The following EXOC3 variants were observed in gnomAD, a reference collection of about 807,000 sequenced individuals.
The protein encoded by EXOC3 is SEC6-like 1.
A neutral mutation model predicts 73.7 loss-of-function variants in EXOC3; 21 were observed. The ratio of observed to expected loss-of-function variants is 0.29; its 90% CI spans 0.20 to 0.41. The LOEUF (loss-of-function observed/expected upper bound fraction) is 0.41, where lower values mean the gene tolerates loss of function less well. Ranked by LOEUF, EXOC3 falls within the 10% of genes least tolerant of loss-of-function variation. The pLI, the probability that EXOC3 is intolerant of heterozygous loss-of-function variation, is 1.00. For missense variants in EXOC3, 842 were observed against 985.1 expected (o/e 0.85, Z 1.95); for synonymous variants, 410 against 389.1 (o/e 1.05, Z -0.63).
chr5:444,669 G>A (rs1737450636), intron 1 of EXOC3, among the ~76,000 whole-genome samples: 1 of 90,708 alleles, frequency 1.1e-5, no homozygotes, highest in Non-Finnish European at 3.5e-5. Flanking sequence ...AACAAGCCCT[G>A]TTGGAGGGAG....
Position 446,221 on chromosome 5 carries a change from C to A in EXOC3, c.16C>A (p.Arg6=), listed in dbSNP as rs376575084. 1.2e-6 allele frequency: 2 copies of A among 1,613,928 alleles called. No individual in the cohort carries two copies. The highest frequency in any genetic ancestry group is 1.7e-6 in the Non-Finnish European group (2 of 1,179,872). Residue 6 remains arginine, a synonymous_variant, in exon 2 of 13, where the codon CGG becomes AGG. Coordinates refer to ENST00000512944, the MANE Select transcript of EXOC3 (RefSeq NM_007277.5). ...CTTTTTCACCATGAAGGAGACAGAC[C>A]GGGAGGCCGTTGCGACAGCAGTGCA... MKETD[R]EAVATAVQRV...
intron 3 of EXOC3, among the ~76,000 whole-genome samples, chr5:452,482 A>C (rs1022517705): frequency 6.6e-6 from 1 of 152,172 alleles, no homozygotes; most frequent in African/African-American, 2.4e-5. Context: ...TCGTTGTTTT[A>C]AAGTCTTTCT....
Position 464,283 on chromosome 5 carries a change from T to G in EXOC3, c.1654-7T>G. On this transcript the variant is annotated splice_polypyrimidine_tract_variant and splice_region_variant and intron_variant, in intron 9 of 12. Transcript: ENST00000512944. The stretch of plus-strand genomic sequence containing the variant: ...GATGATTTCTATGATCTGTTTCTGC[T>G]TTTCAGCAACATCTGAATGAATTGA... 1 of 1,612,704 alleles carries G rather than the reference T, an allele frequency of 6.2e-7. No individual in the cohort carries two copies. The highest frequency in any genetic ancestry group is 8.5e-7 in the Non-Finnish European group (1 of 1,178,990).
intron 9 of EXOC3, among the ~76,000 whole-genome samples, chr5:463,030 G>C (rs145035098): frequency 6.6e-6 from 1 of 152,152 alleles, no homozygotes; most frequent in South Asian, 2.1e-4. Flanking sequence ...GCTTGAACCC[G>C]GGAGGTGGAG....
intron 3 of EXOC3, among the ~76,000 whole-genome samples, chr5:448,421 C>T (rs1737566109): frequency 6.6e-6 from 1 of 152,220 alleles, no homozygotes; most frequent in South Asian, 2.1e-4. Context: ...CATCCCTCCC[C>T]TTGGTCCCCG....
chr5:463,528 A>G (rs751696567), intron 9 of EXOC3, among the ~76,000 whole-genome samples: 5 of 152,186 alleles, frequency 3.3e-5, no homozygotes, highest in Non-Finnish European at 4.4e-5. Context: ...GGTGTGGGAA[A>G]AAGGGGCTGT....
In EXOC3 at chr5:453,768, A is replaced by T. The variant is rs771633322; in HGVS notation, c.763A>T (p.Thr255Ser). The change falls in exon 4 of 13, where the codon ACT becomes TCT. Residue 255 changes from threonine to serine, a missense_variant. By Grantham distance (58) the Thr-to-Ser change is moderately conservative (BLOSUM62 1). Transcript: ENST00000512944. ...KEKMFTILERTVTTRIEGTQA... is the reference protein window; with the variant it reads ...KEKMFTILERSVTTRIEGTQA... ...GAAAATGTTCACCATCTTGGAGAGGACTGTGACCACCAGAATTGAGGGCAC... is the reference window on the plus strand; with the variant it reads ...GAAAATGTTCACCATCTTGGAGAGGTCTGTGACCACCAGAATTGAGGGCAC... The T allele has an allele frequency of 6.2e-7, 1 of 1,613,870 alleles. No individual in the cohort carries two copies. The highest frequency in any genetic ancestry group is 1.1e-5 in the South Asian group (1 of 91,084).
chr5:451,900 T>C (rs1737669127), intron 3 of EXOC3, among the ~76,000 whole-genome samples: 1 of 152,234 alleles, frequency 6.6e-6, no homozygotes, highest in Non-Finnish European at 1.5e-5. Flanking sequence ...CCTCCAAAGT[T>C]TCTGGTGAGA....
At chr5:448,875 G>C (rs573085226) in intron 3 of EXOC3, among the ~76,000 whole-genome samples, 1 of 152,182 alleles carries the variant, frequency 6.6e-6, no homozygotes, top group Non-Finnish European at 1.5e-5. Context: ...GTGTCTCTTT[G>C]TGCATGCCCA....
rs151168194 is a variant in EXOC3 at position 446,579 on chromosome 5, G to A, written c.144+230G>A. ...ACAAGCTTTTAAACACCCTGAGGCCGGGTGCGGTGACTCATGCCTGTAATC... is the reference window on the plus strand; with the variant it reads ...ACAAGCTTTTAAACACCCTGAGGCCAGGTGCGGTGACTCATGCCTGTAATC... On this transcript the variant is annotated intron_variant, in intron 2 of 12. Transcript: ENST00000512944. 0.031 allele frequency among the ~76,000 whole-genome samples: 4,770 copies of A among 152,298 alleles called. 120 individuals are homozygous for A. Among genetic ancestry groups the A allele is most frequent in the Admixed American group, 0.065 (988 of 15,296 alleles).
chr5:452,759 C>T (rs1027267788), intron 3 of EXOC3, among the ~76,000 whole-genome samples: 1 of 152,248 alleles, frequency 6.6e-6, no homozygotes, highest in South Asian at 2.1e-4. Context: ...TGAGCCTATG[C>T]CTTTGCCTGG....
At position 464,433 on chromosome 5, in the gene EXOC3, T is replaced by G. The variant is rs991808514; in HGVS notation, c.1776+21T>G. ...AGAAGGTAAGAAGGTGGGACCTAGT[T>G]CCCTCATCACCTTGACGCTAGGGCT... On this transcript the variant is annotated intron_variant, in intron 10 of 12. Transcript: ENST00000512944. The G allele has an allele frequency of 2.5e-6, 4 of 1,611,458 alleles. No individual in the cohort carries two copies. In the East Asian group the frequency reaches 8.9e-5, roughly 36 times the overall value.
At chr5:466,346 G>A (rs949402793) in intron 12 of EXOC3, 32 of 250,300 alleles carry the variant, frequency 1.3e-4, no homozygotes, top group Non-Finnish European at 1.8e-4. Context: ...CAGCCTTTGC[G>A]GCCCCTGTCT....
At position 457,332 on chromosome 5, in the gene EXOC3, G is replaced by GC. The variant is rs1553992012; in HGVS notation, c.1164+326_1164+327insC. 5 of 233,644 alleles carry GC rather than the reference G, an allele frequency of 2.1e-5. No homozygotes were observed. The Admixed American group carries it at 3.1e-4, about 15-fold the overall frequency. 14.5% of individuals were successfully genotyped at this position (233,644 alleles called of 1,614,324 possible). ...GCTCTCGGCTCTGAGTCCCATGGTT[G>GC]GGGGGGTCCGTCAAGGACCAAAGGG... On this transcript the variant is annotated intron_variant, in intron 5 of 12. Coordinates refer to ENST00000512944, the MANE Select transcript of EXOC3 (RefSeq NM_007277.5).
At chr5:451,906 T>C (rs1737669182) in intron 3 of EXOC3, among the ~76,000 whole-genome samples, 1 of 152,250 alleles carries the variant, frequency 6.6e-6, no homozygotes, top group Non-Finnish European at 1.5e-5. Context: ...AAGTTTCTGG[T>C]GAGAAATCTG....
At chr5:462,481 T>A in intron 9 of EXOC3, 174 bp downstream of exon 9, 1 of 637,040 alleles carries the variant, frequency 1.6e-6, no homozygotes, top group Non-Finnish European at 2.8e-6. Flanking sequence ...GTGACGCTGC[T>A]TCGTATGATG....
chr5:461,982 T>C lies in EXOC3; in HGVS notation c.1414T>C (p.Tyr472His), dbSNP rs760503809. ...CAGATATAAAGATGAAGCGCAGCTG[T>C]ATAAAGAAGAGCACCTGAGGAATCG... ...LSRYKDEAQL[Y>H]KEEHLRNRQH... The change falls in exon 8 of 13, where the codon TAT becomes CAT. Residue 472 changes from tyrosine to histidine, a missense_variant. Transcript: ENST00000512944. 4 of 1,598,038 alleles carry C rather than the reference T, an allele frequency of 2.5e-6. No homozygotes were observed. In the Admixed American group the frequency reaches 5.2e-5, roughly 21 times the overall value.
chr5:445,505 A>G (rs1198136845), intron 1 of EXOC3, among the ~76,000 whole-genome samples: 1 of 152,044 alleles, frequency 6.6e-6, no homozygotes, highest in Non-Finnish European at 1.5e-5. Context: ...ACCCACCAAC[A>G]TGCCCAGCTA....
chr5:454,366 T>C (rs1242436012), intron 4 of EXOC3, among the ~76,000 whole-genome samples: 1 of 152,220 alleles, frequency 6.6e-6, no homozygotes. Flanking sequence ...TTCCTTGCAG[T>C]GACACCCTGA....
Sources: gnomAD v4.1 joint callset for allele counts (sites outside exome capture counted in the v4.1 genomes callset) on GRCh38, gnomAD v4.1.1 for gene constraint, MANE v1.5 for transcripts, NCBI Gene and HGNC (gene_info 2026-07-23, HGNC 2026-07-21) for gene names.